Variants in NEGR1 observed in about 807,000 individuals in gnomAD.
NEGR1 encodes neuronal growth regulator 1, also known as IgLON family member 4.
Under a neutral mutation model 40.9 loss-of-function variants are expected in NEGR1, and 10 were observed. That is an observed-to-expected ratio of 0.24 (90% CI 0.15 to 0.42). NEGR1 has a LOEUF of 0.42. NEGR1 is among the 10% of genes least tolerant of loss of function. The pLI, the probability that NEGR1 is intolerant of heterozygous loss-of-function variation, is 1.00. For synonymous variants in NEGR1, 185 were observed against 166.8 expected (o/e 1.11, Z -0.84); for missense variants, 352 against 438.9 (o/e 0.80, Z 1.77).
At chr1:72,214,722 C>T (rs1375643533) in intron 1 of NEGR1, among the ~76,000 whole-genome samples, 1 of 151,936 alleles carries the variant, frequency 6.6e-6, no homozygotes, top group Non-Finnish European at 1.5e-5. Flanking sequence ...AGGACACAAA[C>T]AAACAGCAAA....
intron 1 of NEGR1, among the ~76,000 whole-genome samples, chr1:72,256,541 C>T (rs1408525502): frequency 1.3e-5 from 2 of 152,234 alleles, no homozygotes; most frequent in East Asian, 3.9e-4. Context: ...TATAATCACC[C>T]TAACCATGTA....
intron 1 of NEGR1, among the ~76,000 whole-genome samples, chr1:72,142,543 A>ATAGATAGAT (rs1230281548): frequency 1.3e-5 from 2 of 151,594 alleles, no homozygotes; most frequent in Non-Finnish European, 2.9e-5. Context: ...AGATAGATAG[A>ATAGATAGAT]TAGATAGATA....
At chr1:71,688,984 A>G (rs935005841) in intron 4 of NEGR1, among the ~76,000 whole-genome samples, 3 of 152,188 alleles carry the variant, frequency 2.0e-5, no homozygotes, top group African/African-American at 7.2e-5. Flanking sequence ...AGCTAAGATT[A>G]AAACTCACGT....
intron 6 of NEGR1, among the ~76,000 whole-genome samples, chr1:71,553,018 G>A (rs543101858): frequency 4.0e-5 from 6 of 151,012 alleles, no homozygotes; most frequent in African/African-American, 1.2e-4. Flanking sequence ...AGTCTATTTC[G>A]TTCCACAGAA....
chr1:71,874,037 G>A (rs1330684180), intron 2 of NEGR1, among the ~76,000 whole-genome samples: 1 of 152,138 alleles, frequency 6.6e-6, no homozygotes, highest in African/African-American at 2.4e-5. Flanking sequence ...TCTACAAACA[G>A]TATTCTAATC....
intron 2 of NEGR1, among the ~76,000 whole-genome samples, chr1:71,828,533 G>A (rs1450772884): frequency 2.6e-5 from 4 of 151,306 alleles, no homozygotes. Context: ...TTTTTCCTTT[G>A]TCTCGCTCTC....
intron 2 of NEGR1, among the ~76,000 whole-genome samples, chr1:71,931,922 T>C (rs1265187976): frequency 1.1e-4 from 17 of 152,144 alleles, no homozygotes; most frequent in Admixed American, 1.1e-3. Flanking sequence ...AGTAAATATA[T>C]CACATAGTTC....
intron 2 of NEGR1, among the ~76,000 whole-genome samples, chr1:71,781,230 A>G (rs1262527117): frequency 1.3e-5 from 2 of 152,192 alleles, no homozygotes; most frequent in Non-Finnish European, 2.9e-5. Flanking sequence ...GGAGTCATAT[A>G]AGCACAGGGT....
intron 6 of NEGR1, among the ~76,000 whole-genome samples, chr1:71,411,653 A>G (rs1646321854): frequency 6.6e-6 from 1 of 152,170 alleles, no homozygotes; most frequent in Non-Finnish European, 1.5e-5. Context: ...TTATTTTTAA[A>G]GGATCACTTG....
intron 4 of NEGR1, among the ~76,000 whole-genome samples, chr1:71,690,385 A>G (rs975561492): frequency 3.3e-5 from 5 of 151,882 alleles, no homozygotes; most frequent in African/African-American, 4.8e-5. Context: ...AGATAAATAC[A>G]CGTTATAAAC....
rs529592537 is a variant in NEGR1 at position 71,704,316 on chromosome 1, T to C, written c.536-6177A>G. On this transcript the variant is annotated intron_variant, in intron 3 of 6. Coordinates refer to ENST00000357731, the MANE Select transcript of NEGR1 (RefSeq NM_173808.3). ...TAGTAAAGATGATAAATTATTAAAA[T>C]TGAAGATGAACAGTCAACAGTGAAA... Among the ~76,000 whole-genome samples the C allele has an allele frequency of 2.6e-5, 4 of 151,934 alleles. No individual in the cohort carries two copies. In the East Asian group the frequency reaches 5.8e-4, roughly 22 times the overall value.
intron 6 of NEGR1, among the ~76,000 whole-genome samples, chr1:71,568,897 A>G (rs1648720014): frequency 6.8e-6 from 1 of 146,966 alleles, no homozygotes. Flanking sequence ...TCCTTGCCTC[A>G]GGGGCAATGA....
At position 72,216,391 on chromosome 1, in the gene NEGR1, A is replaced by G. The variant is rs1269024078; in HGVS notation, c.176+65928T>C. Among the ~76,000 whole-genome samples, 253 of 140,926 alleles carry G rather than the reference A, an allele frequency of 1.8e-3. 3 individuals carry two copies. Among genetic ancestry groups the G allele is most frequent in the African/African-American group, 7.0e-3 (247 of 35,296 alleles). 92.5% of individuals were successfully genotyped at this position (140,926 alleles called of 152,430 possible). On this transcript the variant is annotated intron_variant, in intron 1 of 6. Transcript: ENST00000357731. ...GGAAGTTATATATATATACATATAT[A>G]TATATATATACATATATATATATAT...
chr1:71,752,459 A>G (rs1655601919), intron 3 of NEGR1, among the ~76,000 whole-genome samples: 1 of 152,194 alleles, frequency 6.6e-6, no homozygotes. Context: ...CTGGCCAGCT[A>G]GCTATGCAAA....
chr1:72,145,715 G>C (rs1650880469), intron 1 of NEGR1, among the ~76,000 whole-genome samples: 1 of 151,988 alleles, frequency 6.6e-6, no homozygotes, highest in Non-Finnish European at 1.5e-5. Flanking sequence ...CTGTTTCTCT[G>C]AATGATTCCA....
chr1:71,734,303 C>T (rs1000292130), intron 3 of NEGR1, among the ~76,000 whole-genome samples: 2 of 152,094 alleles, frequency 1.3e-5, no homozygotes, highest in Non-Finnish European at 2.9e-5. Flanking sequence ...TTATCCCTCC[C>T]TAGCAGGTAC....
At chr1:71,775,538 G>A (rs1173010774) in intron 3 of NEGR1, among the ~76,000 whole-genome samples, 1 of 151,720 alleles carries the variant, frequency 6.6e-6, no homozygotes, top group Non-Finnish European at 1.5e-5. Flanking sequence ...TGGAGATGGG[G>A]TTTCACCATG....
At chr1:71,754,032 C>A (rs912427777) in intron 3 of NEGR1, among the ~76,000 whole-genome samples, 4 of 151,030 alleles carry the variant, frequency 2.6e-5, no homozygotes, top group African/African-American at 9.9e-5. Flanking sequence ...CAGGATAAAG[C>A]AATGGAACAG....
rs1430799410 is a variant in NEGR1, at chr1:71,435,947, T to G, written c.941-28377A>C. On this transcript the variant is annotated intron_variant, in intron 6 of 6. Coordinates refer to ENST00000357731, the MANE Select transcript of NEGR1 (RefSeq NM_173808.3). ...ACATTTCTAACTCAGTCCCTACATG[T>G]GTGGTGGGTCATGAGGACCTTTAAA... Among the ~76,000 whole-genome samples, 4 of 152,156 alleles carry G rather than the reference T, an allele frequency of 2.6e-5. No homozygotes were observed. In the East Asian group the frequency reaches 7.7e-4, roughly 29 times the overall value.
Sources: allele counts gnomAD v4.1 joint callset (sites outside exome capture counted in the v4.1 genomes callset), GRCh38; gene constraint gnomAD v4.1.1; transcripts MANE v1.5; gene names NCBI Gene and HGNC (gene_info 2026-07-23, HGNC 2026-07-21).